The following FAM120B variants were observed in gnomAD, a reference collection of about 807,000 sequenced individuals.
FAM120B encodes family with sequence similarity 120 member B.
Under a neutral mutation model 96.3 loss-of-function variants are expected in FAM120B, and 83 were observed. The ratio of observed to expected loss-of-function variants is 0.86; its 90% CI spans 0.72 to 1.03. The LOEUF (loss-of-function observed/expected upper bound fraction) is 1.03. Ranked by LOEUF, FAM120B falls within the 50% of genes least tolerant of loss-of-function variation. The pLI is 0.00. For synonymous variants in FAM120B, 407 were observed against 402.7 expected (o/e 1.01, Z -0.13); for missense variants, 1,027 against 1,121.2 (o/e 0.92, Z 1.20).
At chr6:170,386,106 C>T (rs949704253) in intron 6 of FAM120B, among the ~76,000 whole-genome samples, 5 of 152,032 alleles carry the variant, frequency 3.3e-5, no homozygotes, top group African/African-American at 7.2e-5. Flanking sequence ...AGTGAACCCT[C>T]GTGTCAACTG....
chr6:170,333,867 C>T (rs1786236769), intron 4 of FAM120B, among the ~76,000 whole-genome samples: 1 of 152,174 alleles, frequency 6.6e-6, no homozygotes, highest in African/African-American at 2.4e-5. Flanking sequence ...TACAATATAT[C>T]ATGGAAGATG....
At chr6:170,310,271 T>G (rs1158867713) in intron 1 of FAM120B, among the ~76,000 whole-genome samples, 1 of 152,220 alleles carries the variant, frequency 6.6e-6, no homozygotes, top group Non-Finnish European at 1.5e-5. Flanking sequence ...GCACCAGAGT[T>G]CTGGGTTGCT....
At chr6:170,342,339 A>C (rs1039083483) in intron 4 of FAM120B, among the ~76,000 whole-genome samples, 3 of 152,230 alleles carry the variant, frequency 2.0e-5, no homozygotes, top group Non-Finnish European at 2.9e-5. Flanking sequence ...ACATCCTGAG[A>C]ATAGACACAA....
intron 4 of FAM120B, among the ~76,000 whole-genome samples, chr6:170,345,813 C>T (rs1787141669): frequency 6.6e-6 from 1 of 152,208 alleles, no homozygotes; most frequent in South Asian, 2.1e-4. Flanking sequence ...GTTATGTATT[C>T]AGGAAGTCTC....
chr6:170,388,951 T>G (rs540175771), intron 7 of FAM120B, among the ~76,000 whole-genome samples: 1 of 152,244 alleles, frequency 6.6e-6, no homozygotes, highest in African/African-American at 2.4e-5. Flanking sequence ...ATTCTTACAA[T>G]AAAGTAAGTG....
At chr6:170,400,419 G>T (rs976303002) in intron 9 of FAM120B, among the ~76,000 whole-genome samples, 1 of 152,150 alleles carries the variant, frequency 6.6e-6, no homozygotes, top group Non-Finnish European at 1.5e-5. Flanking sequence ...AATGATAAGA[G>T]TCACAGGCTT....
chr6:170,307,309 A>C (rs888931965), intron 1 of FAM120B, among the ~76,000 whole-genome samples: 11 of 152,308 alleles, frequency 7.2e-5, no homozygotes, highest in Middle Eastern at 3.4e-3. Context: ...TCTGTGGGCT[A>C]TCCCTGAATC....
In FAM120B at chr6:170,295,336, G is replaced by C; in HGVS notation, c.-70G>C. On this transcript the variant is annotated 5_prime_UTR_variant, in exon 1 of 11. Coordinates refer to the FAM120B transcript ENST00000537664. This position sits in a 1 kb window ranked among gnomAD's most constrained non-coding sequence, Gnocchi z 7.8. ...ATGTGTTCACACTCGGTTGCCGCGC[G>C]TGGACTTACAAGCCCACGAAGCCAT... 1.4e-6 allele frequency: 1 copy of C among 697,522 alleles called. No homozygotes were observed. The highest frequency in any genetic ancestry group is 1.5e-5 in the South Asian group (1 of 66,858). The allele number at this position is 697,522 out of a possible 1,614,324, so 43.2% of individuals were successfully genotyped here.
intron 8 of FAM120B, among the ~76,000 whole-genome samples, chr6:170,392,619 TC>T (rs1790535489): frequency 1.3e-5 from 2 of 152,208 alleles, no homozygotes; most frequent in Non-Finnish European, 2.9e-5. Context: ...ACTACTGCAG[TC>T]CCATTATTTT....
intron 7 of FAM120B, among the ~76,000 whole-genome samples, chr6:170,390,026 C>G (rs946695013): frequency 6.6e-6 from 1 of 152,224 alleles, no homozygotes; most frequent in African/African-American, 2.4e-5. Context: ...TAAATACAAT[C>G]GCTACATGAC....
chr6:170,390,945 A>G, intron 7 of FAM120B, 68 bp from the exon 8 acceptor site: 2 of 1,314,294 alleles, frequency 1.5e-6, no homozygotes, highest in South Asian at 2.4e-5. Flanking sequence ...GCTTCCTTCC[A>G]GCCACATCTG....
chr6:170,397,850 G>A (rs75231582), intron 9 of FAM120B, among the ~76,000 whole-genome samples: 2,230 of 152,320 alleles, frequency 0.015, 30 homozygotes, highest in East Asian at 0.057. Flanking sequence ...ACCTGACCCA[G>A]TAAGGCAGGC....
intron 1 of FAM120B, among the ~76,000 whole-genome samples, chr6:170,297,309 T>C (rs1033003543): frequency 1.3e-5 from 2 of 152,178 alleles, no homozygotes; most frequent in African/African-American, 4.8e-5. Context: ...CGCGCCGTGC[T>C]TCCCCGCCGC....
At chr6:170,329,286 G>A (rs1201303601) in intron 3 of FAM120B, among the ~76,000 whole-genome samples, 1 of 152,240 alleles carries the variant, frequency 6.6e-6, no homozygotes, top group Admixed American at 6.5e-5. Flanking sequence ...GATACAGTCT[G>A]GACAGTGCCT....
chr6:170,401,371 A>G (rs1200096638), intron 9 of FAM120B, among the ~76,000 whole-genome samples: 1 of 152,130 alleles, frequency 6.6e-6, no homozygotes, highest in African/African-American at 2.4e-5. Context: ...TCAGATGGAC[A>G]CAGGTTTGGG....
At position 170,343,049 on chromosome 6, in the gene FAM120B, C is replaced by A. The variant is rs75350914; in HGVS notation, c.2018-5102C>A. ...AAACTGAAATTACTTATTAACAATT[C>A]TCTTGCATCGCAACCCTCCTGAGTT... On this transcript the variant is annotated intron_variant, in intron 4 of 10. Transcript: ENST00000476287. Among the ~76,000 whole-genome samples the A allele has an allele frequency of 0.017, 2,566 of 152,262 alleles. 218 individuals are homozygous for A. The East Asian group carries it at 0.27, about 16-fold the overall frequency.
chr6:170,342,468 C>A (rs1392520555), intron 4 of FAM120B, among the ~76,000 whole-genome samples: 1 of 152,178 alleles, frequency 6.6e-6, no homozygotes, highest in Non-Finnish European at 1.5e-5. Context: ...ATGTAAGTGC[C>A]ATGGCTTAGC....
intron 9 of FAM120B, among the ~76,000 whole-genome samples, chr6:170,403,599 G>T (rs1427435863): frequency 6.6e-6 from 1 of 152,216 alleles, no homozygotes; most frequent in Non-Finnish European, 1.5e-5. Context: ...AGGCCTCAGA[G>T]CTCAGTGCAG....
chr6:170,337,002 C>T (rs2115093133), intron 4 of FAM120B, among the ~76,000 whole-genome samples: 1 of 152,280 alleles, frequency 6.6e-6, no homozygotes, highest in South Asian at 2.1e-4. Context: ...GATTTTCTCT[C>T]TTCCTATTTG....
Sources: gnomAD v4.1 joint callset for allele counts (sites outside exome capture counted in the v4.1 genomes callset) on GRCh38, gnomAD v4.1.1 for gene constraint, Gnocchi (gnomAD v3.1) non-coding constraint, MANE v1.5 for transcripts, NCBI Gene and HGNC (gene_info 2026-07-23, HGNC 2026-07-21) for gene names.